The following PSD3 variants were observed in gnomAD, a reference collection of about 807,000 sequenced individuals.
PSD3 encodes the protein pleckstrin and Sec7 domain containing 3.
In PSD3, 49 loss-of-function variants were observed where a neutral mutation model predicts 105.5. That is an observed-to-expected ratio of 0.46 (90% CI 0.37 to 0.59). The LOEUF is 0.59. PSD3 is among the 20% of genes least tolerant of loss of function. PSD3 has a pLI of 0.00. For missense variants in PSD3, 1,561 were observed against 1,263.8 expected, an observed-to-expected ratio of 1.24 and a Z score of -3.57; for synonymous variants, 557 against 457.8, an observed-to-expected ratio of 1.22 and a Z score of -2.77.
chr8:19,061,110 T>C (rs1353907212), intron 1 of PSD3, among the ~76,000 whole-genome samples: 2 of 152,106 alleles, frequency 1.3e-5, no homozygotes, highest in Non-Finnish European at 2.9e-5. Context: ...TGTGCCTCAT[T>C]TATCCTCACC....
At chr8:18,776,376 A>G (rs1808083662) in intron 8 of PSD3, among the ~76,000 whole-genome samples, 1 of 143,654 alleles carries the variant, frequency 7.0e-6, no homozygotes, top group Admixed American at 7.1e-5. Context: ...ATATATGTAT[A>G]TATATAATTT....
At chr8:18,580,305 T>C (rs562534840) in intron 12 of PSD3, among the ~76,000 whole-genome samples, 2 of 152,276 alleles carry the variant, frequency 1.3e-5, no homozygotes, top group African/African-American at 2.4e-5. Context: ...TCCAGACTGA[T>C]TGCTGTCATC....
At position 18,845,773 on chromosome 8, in the gene PSD3, CA is replaced by C. The variant is rs1221740459; in HGVS notation, c.1634+21900del. 5.3e-5 allele frequency among the ~76,000 whole-genome samples: 8 copies of C among 152,000 alleles called. No homozygotes were observed. In the East Asian group the frequency reaches 1.6e-3, roughly 29 times the overall value. ...ACAACATAGCAAGACCCCACCTCTA[CA>C]AAAAAAATTAAAATAAATGGCGGAA... is the stretch of plus-strand genomic sequence containing the variant. On this transcript the variant is annotated intron_variant, in intron 4 of 15. Transcript: ENST00000327040.
intron 9 of PSD3, among the ~76,000 whole-genome samples, chr8:18,728,732 G>C (rs991281671): frequency 6.6e-6 from 1 of 152,080 alleles, no homozygotes; most frequent in South Asian, 2.1e-4. Flanking sequence ...TAATTAGCTC[G>C]ATTTAGCCAT....
At chr8:18,828,764 C>G (rs1813433456) in intron 4 of PSD3, among the ~76,000 whole-genome samples, 2 of 152,092 alleles carry the variant, frequency 1.3e-5, no homozygotes, top group East Asian at 1.9e-4. Context: ...AGTTTGAGAT[C>G]AGCCTGGCCA....
chr8:18,705,300 G>T (rs2129418876), intron 9 of PSD3, among the ~76,000 whole-genome samples: 1 of 152,222 alleles, frequency 6.6e-6, no homozygotes, highest in Non-Finnish European at 1.5e-5. Context: ...GGCCAAGCCG[G>T]GTGGACTGCT....
intron 14 of PSD3, among the ~76,000 whole-genome samples, chr8:18,566,917 T>C (rs1259912656): frequency 6.6e-6 from 1 of 152,224 alleles, no homozygotes; most frequent in Non-Finnish European, 1.5e-5. Context: ...GATAAATGTG[T>C]GTGCTTGCCT....
intron 1 of PSD3, among the ~76,000 whole-genome samples, chr8:19,068,711 G>A (rs1829157291): frequency 6.6e-6 from 1 of 151,380 alleles, no homozygotes; most frequent in African/African-American, 2.4e-5. Context: ...GTATACATAT[G>A]TCACAAACAT....
intron 8 of PSD3, among the ~76,000 whole-genome samples, chr8:18,777,698 G>A (rs1808230237): frequency 6.6e-6 from 1 of 152,110 alleles, no homozygotes; most frequent in African/African-American, 2.4e-5. Flanking sequence ...CAGCTATTTT[G>A]AAATATTCAA....
intron 6 of PSD3, among the ~76,000 whole-genome samples, chr8:18,802,747 C>T (rs1307012798): frequency 6.6e-6 from 1 of 152,126 alleles, no homozygotes; most frequent in Non-Finnish European, 1.5e-5. Flanking sequence ...CAGAATTCTT[C>T]CAGACATGGA....
At chr8:18,704,335 G>C (rs1801764020) in intron 9 of PSD3, among the ~76,000 whole-genome samples, 1 of 152,130 alleles carries the variant, frequency 6.6e-6, no homozygotes, top group Non-Finnish European at 1.5e-5. Flanking sequence ...CGTGTATAAA[G>C]GAAAATAAGA....
intron 1 of PSD3, among the ~76,000 whole-genome samples, chr8:19,012,334 G>C (rs1031131276): frequency 5.9e-5 from 9 of 152,182 alleles, no homozygotes; most frequent in African/African-American, 2.2e-4. Flanking sequence ...TGAGCATGTT[G>C]CACTTTTAAC....
At chr8:18,830,693 A>C (rs1018440419) in intron 4 of PSD3, among the ~76,000 whole-genome samples, 5 of 152,202 alleles carry the variant, frequency 3.3e-5, no homozygotes, top group Admixed American at 2.6e-4. Flanking sequence ...AGATAAAAAG[A>C]CTGCAGCATA....
chr8:18,656,511 T>C (rs1563148422), intron 9 of PSD3, among the ~76,000 whole-genome samples: 4 of 152,258 alleles, frequency 2.6e-5, no homozygotes, highest in South Asian at 4.1e-4. Context: ...GTTTTTATTA[T>C]AAATGTAACA....
intron 8 of PSD3, among the ~76,000 whole-genome samples, chr8:18,790,846 G>C (rs564264470): frequency 1.3e-5 from 2 of 151,460 alleles, no homozygotes; most frequent in African/African-American, 4.8e-5. Flanking sequence ...TAGACCAAAA[G>C]CTTCTCAAGG....
intron 1 of PSD3, among the ~76,000 whole-genome samples, chr8:19,081,107 C>T (rs372371817): frequency 6.6e-6 from 1 of 152,156 alleles, no homozygotes; most frequent in African/African-American, 2.4e-5. Flanking sequence ...ATGGTTAGGG[C>T]AGGCTCTGGT....
At chr8:18,888,592 G>T (rs1016245853) in intron 2 of PSD3, among the ~76,000 whole-genome samples, 1 of 151,954 alleles carries the variant, frequency 6.6e-6, no homozygotes, top group Admixed American at 6.6e-5. Context: ...AAAAGCTCAA[G>T]GTTTTATTAC....
chr8:18,985,348 A>G (rs1825449462), intron 1 of PSD3, among the ~76,000 whole-genome samples: 1 of 152,144 alleles, frequency 6.6e-6, no homozygotes, highest in Non-Finnish European at 1.5e-5. Context: ...ATGAACAAAC[A>G]CAAGCACAGA....
chr8:18,743,934 T>C (rs890753707), intron 9 of PSD3, among the ~76,000 whole-genome samples: 1 of 146,764 alleles, frequency 6.8e-6, no homozygotes, highest in Non-Finnish European at 1.5e-5. Context: ...CACTCCAGCC[T>C]GGGTGAAAGT....
Sources: allele counts gnomAD v4.1 joint callset (sites outside exome capture counted in the v4.1 genomes callset), GRCh38; gene constraint gnomAD v4.1.1; transcripts MANE v1.5; gene names NCBI Gene and HGNC (gene_info 2026-07-23, HGNC 2026-07-21).